Variants in SLC44A1 observed in about 807,000 individuals in gnomAD.
SLC44A1 encodes the protein solute carrier family 44 member 1.
SLC44A1 carries 26 observed loss-of-function variants against 79.3 expected under a neutral mutation model. That is an observed-to-expected ratio of 0.33 (90% CI 0.24 to 0.46). SLC44A1 has a LOEUF of 0.46. Ranked by LOEUF, SLC44A1 falls within the 20% of genes least tolerant of loss-of-function variation. SLC44A1 has a pLI of 1.00. For missense variants in SLC44A1, 688 were observed against 798.1 expected, an observed-to-expected ratio of 0.86 and a Z score of 1.66; for synonymous variants, 263 against 286.2, an observed-to-expected ratio of 0.92 and a Z score of 0.82.
chr9:105,335,735 A>G, intron 4 of SLC44A1, 36 bp downstream of exon 4: 2 of 1,579,442 alleles, frequency 1.3e-6, no homozygotes, highest in Non-Finnish European at 1.7e-6. Context: ...ATGTCCTGTC[A>G]CCTTGTTCTC....
intron 15 of SLC44A1, among the ~76,000 whole-genome samples, chr9:105,430,141 T>C (rs572386806): frequency 1.3e-5 from 2 of 152,218 alleles, no homozygotes; most frequent in East Asian, 1.9e-4. Context: ...GCAATCCTCT[T>C]CCCTTGGCTT....
At chr9:105,416,499 G>A (rs1219522596) in intron 15 of SLC44A1, among the ~76,000 whole-genome samples, 1 of 152,052 alleles carries the variant, frequency 6.6e-6, no homozygotes, top group East Asian at 1.9e-4. Flanking sequence ...CCATTGGGGT[G>A]GGTCAAGGAA....
At chr9:105,411,319 T>TC (rs1564055592) in intron 15 of SLC44A1, among the ~76,000 whole-genome samples, 1 of 152,054 alleles carries the variant, frequency 6.6e-6, no homozygotes, top group African/African-American at 2.4e-5. Flanking sequence ...CTTTTTCTCC[T>TC]CATTTCCACT....
chr9:105,317,330 T>C (rs1831354751), intron 3 of SLC44A1, among the ~76,000 whole-genome samples: 1 of 152,140 alleles, frequency 6.6e-6, no homozygotes, highest in Non-Finnish European at 1.5e-5. Context: ...AGGGTAATTT[T>C]AGGCAGAGTT....
intron 15 of SLC44A1, among the ~76,000 whole-genome samples, chr9:105,402,887 C>T (rs984961181): frequency 2.6e-5 from 4 of 151,598 alleles, no homozygotes; most frequent in African/African-American, 9.7e-5. Flanking sequence ...TCATAGCTCA[C>T]TGCAGCCTCA....
intron 1 of SLC44A1, among the ~76,000 whole-genome samples, chr9:105,290,143 A>G (rs1293673559): frequency 6.6e-6 from 1 of 152,186 alleles, no homozygotes; most frequent in Non-Finnish European, 1.5e-5. Context: ...CTGTTCCATC[A>G]TGGAAAAGAG....
chr9:105,388,532 A>T (rs1828686337), intron 15 of SLC44A1, among the ~76,000 whole-genome samples: 1 of 152,234 alleles, frequency 6.6e-6, no homozygotes, highest in South Asian at 2.1e-4. Flanking sequence ...ATGTTCAGTA[A>T]AATGAGGTTT....
chr9:105,438,441 A>G, exon 16 of SLC44A1: 2 of 651,566 alleles, frequency 3.1e-6, no homozygotes, highest in South Asian at 3.9e-5. Flanking sequence ...TCAAACCACC[A>G]ACAGCCAAGT....
chr9:105,413,514 C>T (rs551253084), intron 15 of SLC44A1, among the ~76,000 whole-genome samples: 10 of 152,314 alleles, frequency 6.6e-5, no homozygotes, highest in African/African-American at 2.4e-4. Flanking sequence ...GAACCACAGA[C>T]CAAAGATGGC....
intron 1 of SLC44A1, among the ~76,000 whole-genome samples, chr9:105,264,380 G>C (rs1356432073): frequency 6.6e-6 from 1 of 152,064 alleles, no homozygotes; most frequent in African/African-American, 2.4e-5. Context: ...TTTCCCAGGA[G>C]GGTCTCAAAC....
At chr9:105,437,171 A>T (rs1364166248) in intron 15 of SLC44A1, among the ~76,000 whole-genome samples, 2 of 152,206 alleles carry the variant, frequency 1.3e-5, no homozygotes, top group African/African-American at 4.8e-5. Flanking sequence ...AAGAATAAGA[A>T]TGGTACATAG....
chr9:105,331,884 C>T (rs1826760945), intron 3 of SLC44A1, among the ~76,000 whole-genome samples: 1 of 152,130 alleles, frequency 6.6e-6, no homozygotes, highest in Admixed American at 6.5e-5. Flanking sequence ...GCCTCAAGGC[C>T]TCAGTTTTAA....
chr9:105,428,323 G>A (rs979645606), intron 15 of SLC44A1, among the ~76,000 whole-genome samples: 3 of 151,850 alleles, frequency 2.0e-5, no homozygotes, highest in Non-Finnish European at 4.4e-5. Flanking sequence ...CTTATTAATA[G>A]CTAGAAATAA....
intron 15 of SLC44A1, among the ~76,000 whole-genome samples, chr9:105,415,896 ATTTTTTTTT>A (rs10592448): frequency 1.7e-5 from 2 of 117,964 alleles, no homozygotes; most frequent in African/African-American, 6.6e-5. Context: ...GATTGACTGA[ATTTTTTTTT>A]TTTTTTTTTT....
At chr9:105,328,151 T>C (rs1826640350) in intron 3 of SLC44A1, among the ~76,000 whole-genome samples, 1 of 152,318 alleles carries the variant, frequency 6.6e-6, no homozygotes, top group South Asian at 2.1e-4. Flanking sequence ...CCAGGCATCA[T>C]TTTAGGCACT....
intron 3 of SLC44A1, among the ~76,000 whole-genome samples, chr9:105,321,404 T>C (rs1175458240): frequency 6.6e-6 from 1 of 152,200 alleles, no homozygotes; most frequent in South Asian, 2.1e-4. Context: ...AGGAGGCTGA[T>C]GGAGTTTCTA....
At chr9:105,324,906 T>G (rs944053679) in intron 3 of SLC44A1, among the ~76,000 whole-genome samples, 42 of 152,226 alleles carry the variant, frequency 2.8e-4, no homozygotes, top group Admixed American at 2.7e-3. Context: ...CTGCTGGGAA[T>G]GTAAAATATG....
intron 13 of SLC44A1, 77 bp downstream of exon 13, chr9:105,374,812 T>C (rs1188026023): frequency 8.2e-7 from 1 of 1,223,892 alleles, no homozygotes; most frequent in Non-Finnish European, 1.2e-6. Context: ...TTAAAAATAT[T>C]CAGGCCACCA....
chr9:105,254,920 T>A (rs1829668547), intron 1 of SLC44A1, among the ~76,000 whole-genome samples: 1 of 152,204 alleles, frequency 6.6e-6, no homozygotes, highest in African/African-American at 2.4e-5. Context: ...CTTCTGTCTG[T>A]GTTTATCTCT....
Sources: allele counts gnomAD v4.1 joint callset (sites outside exome capture counted in the v4.1 genomes callset), GRCh38; gene constraint gnomAD v4.1.1; transcripts MANE v1.5; gene names NCBI Gene and HGNC (gene_info 2026-07-23, HGNC 2026-07-21).